The following ERG variants were observed in gnomAD, a reference collection of about 807,000 sequenced individuals.
ERG encodes transcriptional regulator ERG.
In ERG, 9 loss-of-function variants were observed where a neutral mutation model predicts 55.3. The observed-to-expected ratio is 0.16, with a 90% CI of 0.10 to 0.28. The LOEUF (loss-of-function observed/expected upper bound fraction) is 0.28, where lower values mean the gene tolerates loss of function less well. ERG is among the 10% of genes least tolerant of loss of function. The probability of loss-of-function intolerance (pLI) is 1.00; values close to 1 mark genes in which losing one functional copy is unlikely to be tolerated. For synonymous variants in ERG, 223 were observed against 237.3 expected, an observed-to-expected ratio of 0.94 and a Z score of 0.55; for missense variants, 434 against 631.6, an observed-to-expected ratio of 0.69 and a Z score of 3.35.
intron 2 of ERG, among the ~76,000 whole-genome samples, chr21:38,427,759 A>C (rs1422425663): frequency 1.3e-5 from 2 of 152,058 alleles, no homozygotes; most frequent in Non-Finnish European, 2.9e-5. Context: ...ATCCTGACAT[A>C]CTCTCCTACC....
intron 2 of ERG, among the ~76,000 whole-genome samples, chr21:38,570,204 G>A (rs1267357472): frequency 2.0e-5 from 3 of 152,124 alleles, no homozygotes; most frequent in Admixed American, 2.0e-4. Context: ...AAACATCACT[G>A]TTATTAACTT....
At chr21:38,600,211 G>C (rs2060156551) in intron 1 of ERG, among the ~76,000 whole-genome samples, 1 of 152,298 alleles carries the variant, frequency 6.6e-6, no homozygotes, top group South Asian at 2.1e-4. Flanking sequence ...GCTACCCTGG[G>C]GCTGGCGAAG....
At chr21:38,517,937 G>A (rs923834415) in intron 2 of ERG, among the ~76,000 whole-genome samples, 4 of 152,108 alleles carry the variant, frequency 2.6e-5, no homozygotes, top group African/African-American at 9.7e-5. Context: ...TGGAATGATG[G>A]TTACCAGAGG....
intron 1 of ERG, among the ~76,000 whole-genome samples, chr21:38,595,614 G>A (rs577632494): frequency 2.0e-4 from 31 of 152,268 alleles, no homozygotes; most frequent in Non-Finnish European, 2.6e-4. Flanking sequence ...GGGCGGGAGC[G>A]GTGGAGGCTG....
At chr21:38,615,523 G>A (rs1373842425) in intron 1 of ERG, among the ~76,000 whole-genome samples, 9 of 151,716 alleles carry the variant, frequency 5.9e-5, no homozygotes, top group African/African-American at 1.2e-4. Flanking sequence ...TCAGTTCAGA[G>A]TTAGTTCTGG....
At chr21:38,414,395 A>C (rs554198524) in intron 3 of ERG, among the ~76,000 whole-genome samples, 3 of 152,332 alleles carry the variant, frequency 2.0e-5, no homozygotes, top group African/African-American at 7.2e-5. Flanking sequence ...GGACTTCAGC[A>C]TATCTTGTGA....
chr21:38,546,674 C>T (rs899742059), intron 2 of ERG, among the ~76,000 whole-genome samples: 1 of 152,274 alleles, frequency 6.6e-6, no homozygotes, highest in Non-Finnish European at 1.5e-5. Context: ...CTGGAGGTAG[C>T]GCTAAGAAAC....
intron 2 of ERG, among the ~76,000 whole-genome samples, chr21:38,529,522 G>A (rs8133037): frequency 0.024 from 3,653 of 152,254 alleles, 141 homozygotes; most frequent in African/African-American, 0.083. Flanking sequence ...TACTAAGATG[G>A]GTAATGCTAG....
chr21:38,588,396 C>A (rs1040668713), upstream of ERG, among the ~76,000 whole-genome samples: 1 of 152,164 alleles, frequency 6.6e-6, no homozygotes, highest in African/African-American at 2.4e-5. Context: ...AGTATTCAGT[C>A]AGGTTCTGTG....
intron 2 of ERG, among the ~76,000 whole-genome samples, chr21:38,527,282 G>T (rs561402800): frequency 1.1e-3 from 162 of 152,186 alleles, no homozygotes; most frequent in Non-Finnish European, 1.2e-3. Context: ...TCCAAGTGTG[G>T]TCTCAGACCA....
upstream of ERG, among the ~76,000 whole-genome samples, chr21:38,587,903 G>T (rs1227744455): frequency 6.6e-6 from 1 of 152,172 alleles, no homozygotes; most frequent in Non-Finnish European, 1.5e-5. Flanking sequence ...AGACATTGTT[G>T]GGCCTGATTT....
At chr21:38,429,764 C>CA (rs776061892) in intron 2 of ERG, among the ~76,000 whole-genome samples, 130 of 149,302 alleles carry the variant, frequency 8.7e-4, no homozygotes, top group South Asian at 7.9e-3. Flanking sequence ...CACACACACA[C>CA]CACATTTTCT....
At chr21:38,560,447 C>T (rs145145119) in intron 2 of ERG, among the ~76,000 whole-genome samples, 2 of 152,272 alleles carry the variant, frequency 1.3e-5, no homozygotes, top group African/African-American at 4.8e-5. Flanking sequence ...CTGCCCAACC[C>T]GGGGCCCCTC....
At position 38,383,620 on chromosome 21, in the gene ERG, A is replaced by G. The variant is rs1987552287; in HGVS notation, c.1223T>C (p.Leu408Pro). 1.2e-6 allele frequency: 2 copies of G among 1,613,940 alleles called. No homozygotes were observed. The highest frequency in any genetic ancestry group is 2.7e-5 in the African/African-American group (2 of 74,904). ...ALQPHPPESS[L>P]YKYPSDLPYM... ...CGGGAGGTCTGAGGGGTACTTGTAC[A>G]GAGATGACTCCGGGGGGTGGGGCTG... is the stretch of plus-strand genomic sequence containing the variant. Residue 408 changes from leucine (L) to proline (P), a missense_variant, in exon 10 of 10, where the codon CTG becomes CCG. Around this residue, in one of 5 missense-constraint regions of ERG, gnomAD observed 107 missense variants for 126.8 expected, o/e 0.84. Coordinates refer to ENST00000288319, the MANE Select transcript of ERG (RefSeq NM_182918.4). This position sits in a 1 kb window ranked among gnomAD's most constrained non-coding sequence, Gnocchi z 5.7.
At chr21:38,658,382 G>A (rs2060532026) in intron 1 of ERG, among the ~76,000 whole-genome samples, 1 of 152,060 alleles carries the variant, frequency 6.6e-6, no homozygotes, top group South Asian at 2.1e-4. Flanking sequence ...GAAATAACAG[G>A]CATCAGACAT....
At position 38,383,111 on chromosome 21, in the gene ERG, T is replaced by C. The variant is rs1480247515; in HGVS notation, c.*292A>G. On this transcript the variant is annotated 3_prime_UTR_variant, in exon 10 of 10. Transcript: ENST00000288319. The surrounding 1 kb of genome is among the most constrained non-coding windows in gnomAD (Gnocchi z 5.7). Reference sequence around the variant, plus strand: ...TTATACATTTCTTAAGACCACTTTCTTTGGCACTTTGTCCTTAAGACTTCA... The same window carrying C: ...TTATACATTTCTTAAGACCACTTTCCTTGGCACTTTGTCCTTAAGACTTCA... 8.7e-7 allele frequency: 1 copy of C among 1,155,436 alleles called. No homozygotes were observed. Among genetic ancestry groups the C allele is most frequent in the Non-Finnish European group, 1.1e-6 (1 of 939,160 alleles). 71.6% of individuals were successfully genotyped at this position (1,155,436 alleles called of 1,614,324 possible).
intron 9 of ERG, among the ~76,000 whole-genome samples, chr21:38,387,138 C>G (rs888276493): frequency 1.3e-5 from 2 of 152,212 alleles, no homozygotes; most frequent in Non-Finnish European, 2.9e-5. Flanking sequence ...AGTGAGTCAG[C>G]AGCTGTGTCT....
chr21:38,501,967 C>T (rs556241024), upstream of ERG, among the ~76,000 whole-genome samples: 1 of 152,278 alleles, frequency 6.6e-6, no homozygotes, highest in African/African-American at 2.4e-5. Flanking sequence ...TTCTAAAGAT[C>T]GAACAAGTTC....
chr21:38,595,508 C>CG (rs748112869), intron 1 of ERG, among the ~76,000 whole-genome samples: 36 of 152,154 alleles, frequency 2.4e-4, no homozygotes, highest in Non-Finnish European at 3.8e-4. Flanking sequence ...CCTTGAACCC[C>CG]GGGGCCTGTG....
Sources: allele counts gnomAD v4.1 joint callset (sites outside exome capture counted in the v4.1 genomes callset), GRCh38; gene constraint gnomAD v4.1.1; regional missense constraint gnomAD v4.1.1; non-coding constraint Gnocchi (gnomAD v3.1); transcripts MANE v1.5; gene names NCBI Gene and HGNC (gene_info 2026-07-23, HGNC 2026-07-21).